The following PDE4D variants were observed in gnomAD, a reference collection of about 807,000 sequenced individuals.
PDE4D encodes phosphodiesterase 4D, also known as 3',5'-cyclic-AMP phosphodiesterase 4D.
In PDE4D, 24 loss-of-function variants were observed where a neutral mutation model predicts 87.4. The observed-to-expected ratio is 0.27, with a 90% confidence interval of 0.20 to 0.39. The LOEUF is 0.39. Among genes scored for constraint, PDE4D ranks in the 10% least tolerant of loss-of-function variants. PDE4D has a pLI of 1.00. For missense variants in PDE4D, 714 were observed against 1,041.0 expected (o/e 0.69, Z 4.32); for synonymous variants, 384 against 383.2 (o/e 1.00, Z -0.02).
At chr5:59,193,031 T>TGTATGCCTAGAAGG (rs1744686137) in intron 3 of PDE4D, among the ~76,000 whole-genome samples, 1 of 152,210 alleles carries the variant, frequency 6.6e-6, no homozygotes, top group Non-Finnish European at 1.5e-5. Context: ...TAAAGTATTT[T>TGTATGCCTAGAAGG]CATGATTTGT....
intron 1 of PDE4D, among the ~76,000 whole-genome samples, chr5:60,415,794 G>A (rs1310440138): frequency 6.6e-6 from 1 of 152,244 alleles, no homozygotes; most frequent in African/African-American, 2.4e-5. Context: ...AAGGGCTGAG[G>A]AGTGCAGGCG....
At chr5:59,733,363 G>T (rs1312696726) in intron 1 of PDE4D, among the ~76,000 whole-genome samples, 1 of 152,076 alleles carries the variant, frequency 6.6e-6, no homozygotes, top group Admixed American at 6.6e-5. Context: ...TGACTTTAAA[G>T]GGCTCACTGA....
intron 1 of PDE4D, among the ~76,000 whole-genome samples, chr5:60,345,541 C>G (rs887776419): frequency 6.8e-6 from 1 of 147,154 alleles, no homozygotes; most frequent in Admixed American, 6.8e-5. Context: ...TCAGGAATTA[C>G]TAAATAAAAG....
intron 2 of PDE4D, among the ~76,000 whole-genome samples, chr5:59,199,860 G>A (rs549800564): frequency 2.3e-4 from 35 of 151,546 alleles, no homozygotes; most frequent in African/African-American, 8.2e-4. Context: ...ATACATACAT[G>A]TACATATATA....
At chr5:59,427,778 A>G (rs1466803964) in intron 1 of PDE4D, among the ~76,000 whole-genome samples, 1 of 150,884 alleles carries the variant, frequency 6.6e-6, no homozygotes, top group Non-Finnish European at 1.5e-5. Flanking sequence ...TATGATTGCT[A>G]CTGCACTCCA....
chr5:59,962,239 T>A (rs1250374901), intron 3 of PDE4D, among the ~76,000 whole-genome samples: 2 of 152,164 alleles, frequency 1.3e-5, no homozygotes, highest in Non-Finnish European at 2.9e-5. Context: ...GAGAAAGAGA[T>A]AAATTTCAAA....
chr5:60,287,549 G>T (rs1017235488), intron 1 of PDE4D, among the ~76,000 whole-genome samples: 12 of 152,160 alleles, frequency 7.9e-5, no homozygotes, highest in African/African-American at 2.9e-4. Context: ...GTAGAATGAA[G>T]AATTAATAAA....
chr5:60,400,096 T>C (rs959446728), intron 1 of PDE4D, among the ~76,000 whole-genome samples: 41 of 152,112 alleles, frequency 2.7e-4, no homozygotes, highest in Non-Finnish European at 5.9e-5. Context: ...AAAACACAAG[T>C]ATGGCCAGAT....
chr5:60,027,710 T>A (rs574617287), intron 2 of PDE4D, among the ~76,000 whole-genome samples: 6 of 152,342 alleles, frequency 3.9e-5, no homozygotes, highest in Non-Finnish European at 7.4e-5. Context: ...GGACACTCAA[T>A]AAAGATTTGT....
intron 1 of PDE4D, among the ~76,000 whole-genome samples, chr5:59,228,107 A>G (rs994432116): frequency 1.3e-5 from 2 of 152,202 alleles, no homozygotes; most frequent in Non-Finnish European, 2.9e-5. Context: ...TTGTAGGAAC[A>G]TGGATGGAGC....
At chr5:60,321,594 A>G (rs986637137) in intron 1 of PDE4D, among the ~76,000 whole-genome samples, 3 of 152,314 alleles carry the variant, frequency 2.0e-5, no homozygotes, top group Non-Finnish European at 4.4e-5. Flanking sequence ...GAAACTATCA[A>G]TATACTAAAC....
chr5:59,017,836 CAAT>C (rs1452112310), intron 6 of PDE4D, among the ~76,000 whole-genome samples: 1 of 152,106 alleles, frequency 6.6e-6, no homozygotes, highest in Non-Finnish European at 1.5e-5. Flanking sequence ...TTACTGAAGG[CAAT>C]AATAAGTGCA....
At chr5:60,151,447 G>A (rs1380553560) in intron 2 of PDE4D, among the ~76,000 whole-genome samples, 2 of 151,966 alleles carry the variant, frequency 1.3e-5, no homozygotes, top group African/African-American at 4.8e-5. Context: ...CATTAACGTT[G>A]TATAGTTTTC....
intron 6 of PDE4D, among the ~76,000 whole-genome samples, chr5:59,023,601 AG>A (rs1215537606): frequency 5.3e-5 from 8 of 152,232 alleles, no homozygotes; most frequent in Non-Finnish European, 1.2e-4. Flanking sequence ...GGCTGCAGTA[AG>A]CCATGATGGC....
rs148890101 is a variant in PDE4D at position 60,517,165 on chromosome 5, C to T, written n.70+4886G>A. ...GTGTATGCCCGTGCTCAGAGTACCA[C>T]TGACACACCAGCCCCCTGTTGCCTC... On this transcript the variant is annotated intron_variant and non_coding_transcript_variant, in intron 1 of 2. Coordinates refer to the PDE4D transcript ENST00000506510. Among the ~76,000 whole-genome samples, 4 of 152,360 alleles carry T rather than the reference C, an allele frequency of 2.6e-5. No homozygotes were observed. The East Asian group carries it at 7.7e-4, about 29-fold the overall frequency.
chr5:59,390,094 C>T (rs1787936747), intron 1 of PDE4D, among the ~76,000 whole-genome samples: 1 of 151,992 alleles, frequency 6.6e-6, no homozygotes. Context: ...ATCAAAATAT[C>T]ACATGTACCT....
rs1748520951 is a variant in PDE4D at position 59,875,856 on chromosome 5, G to T, written c.455+17312C>A. ...CCATTATCCTTAGCAAATTAATACA[G>T]AAACAGAAAAACAGATACCACATGT... On this transcript the variant is annotated intron_variant, in intron 1 of 14. Transcript: ENST00000340635. 2.0e-5 allele frequency among the ~76,000 whole-genome samples: 3 copies of T among 152,100 alleles called. No individual in the cohort carries two copies. In the South Asian group the frequency reaches 6.2e-4, roughly 32 times the overall value.
intron 5 of PDE4D, among the ~76,000 whole-genome samples, chr5:59,098,861 C>A (rs556334302): frequency 8.4e-4 from 128 of 152,222 alleles, no homozygotes; most frequent in African/African-American, 3.0e-3. Context: ...CTCAATTCTG[C>A]CATTTAGGTT....
intron 2 of PDE4D, among the ~76,000 whole-genome samples, chr5:60,142,501 C>T (rs979903706): frequency 7.2e-5 from 11 of 152,094 alleles, no homozygotes; most frequent in Non-Finnish European, 1.3e-4. Flanking sequence ...CTCTGTAGTT[C>T]AGGGCTTTGT....
Sources: allele counts gnomAD v4.1 joint callset (sites outside exome capture counted in the v4.1 genomes callset), GRCh38; gene constraint gnomAD v4.1.1; transcripts MANE v1.5; gene names NCBI Gene and HGNC (gene_info 2026-07-23, HGNC 2026-07-21).